The following PIP4K2A variants were observed in gnomAD, a reference collection of about 807,000 sequenced individuals.
PIP4K2A encodes the protein phosphatidylinositol-5-phosphate 4-kinase type 2 alpha.
Under a neutral mutation model 42.9 loss-of-function variants are expected in PIP4K2A, and 14 were observed. The ratio of observed to expected loss-of-function variants is 0.33; its 90% confidence interval spans 0.22 to 0.51. The LOEUF (loss-of-function observed/expected upper bound fraction) is 0.51, where lower values mean the gene tolerates loss of function less well. Among genes scored for constraint, PIP4K2A ranks in the 20% least tolerant of loss-of-function variants. The pLI is 0.97. For missense variants in PIP4K2A, 434 were observed against 519.8 expected (o/e 0.83, Z 1.61); for synonymous variants, 192 against 192.2 (o/e 1.00, Z 0.01).
At chr10:22,571,139 C>T (rs7919839) in intron 5 of PIP4K2A, among the ~76,000 whole-genome samples, 138,367 of 152,336 alleles carry the variant, frequency 0.91, 63,007 homozygotes, top group African/African-American at 0.97. Context: ...GTTTTCGTGA[C>T]GGTTTGAGTT....
At chr10:22,647,183 T>C (rs890449244) in intron 1 of PIP4K2A, among the ~76,000 whole-genome samples, 3 of 152,180 alleles carry the variant, frequency 2.0e-5, no homozygotes, top group South Asian at 2.1e-4. Context: ...CATTATTTCA[T>C]GGGCTTTAAG....
intron 7 of PIP4K2A, among the ~76,000 whole-genome samples, chr10:22,546,240 T>C (rs1355506097): frequency 6.6e-6 from 1 of 152,186 alleles, no homozygotes; most frequent in Non-Finnish European, 1.5e-5. Flanking sequence ...AGAAAAAATA[T>C]GGTGCCTCAC....
chr10:22,565,588 C>A (rs1473402953), intron 6 of PIP4K2A, among the ~76,000 whole-genome samples: 1 of 152,152 alleles, frequency 6.6e-6, no homozygotes, highest in African/African-American at 2.4e-5. Flanking sequence ...GTTAACTGCA[C>A]AAATTGTACA....
chr10:22,664,168 C>CATATATATACACAT lies in PIP4K2A; in HGVS notation c.144+50014_144+50015insATGTGTATATATAT, dbSNP rs1839292298. Reference sequence around the variant, plus strand: ...ATATATATACACATATATATATATACATATATATATATACATATATATACA... The same window carrying CATATATATACACAT: ...ATATATATACACATATATATATATACATATATATACACATATATATATATATACATATATATACA... On this transcript the variant is annotated intron_variant, in intron 1 of 9. Transcript: ENST00000376573. Among the ~76,000 whole-genome samples the CATATATATACACAT allele has an allele frequency of 9.9e-5, 3 of 30,210 alleles. No homozygotes were observed. In the East Asian group the frequency reaches 2.2e-3, roughly 23 times the overall value. The allele number at this position is 30,210 out of a possible 152,430, so 19.8% of individuals were successfully genotyped here. A position where few individuals can be genotyped will look rare whatever the true frequency, so the allele number is the denominator to read the frequency against.
intron 3 of PIP4K2A, among the ~76,000 whole-genome samples, chr10:22,606,278 T>C (rs1225354498): frequency 6.6e-6 from 1 of 152,020 alleles, no homozygotes; most frequent in East Asian, 1.9e-4. Context: ...ACCACTGTAC[T>C]CCAGCCTGGG....
chr10:22,583,941 G>GC (rs931141001), intron 4 of PIP4K2A, among the ~76,000 whole-genome samples: 14 of 152,354 alleles, frequency 9.2e-5, no homozygotes, highest in Admixed American at 2.6e-4. Context: ...GTTCCATAGT[G>GC]CCCCGCCAGG....
chr10:22,637,967 G>A (rs1469144121), intron 1 of PIP4K2A, among the ~76,000 whole-genome samples: 1 of 152,188 alleles, frequency 6.6e-6, no homozygotes, highest in African/African-American at 2.4e-5. Context: ...GGATGTATAA[G>A]TGAATACTAT....
At chr10:22,555,926 C>T (rs1327228788) in intron 6 of PIP4K2A, among the ~76,000 whole-genome samples, 2 of 151,170 alleles carry the variant, frequency 1.3e-5, no homozygotes, top group African/African-American at 2.4e-5. Flanking sequence ...ACAAGAAAAT[C>T]TCATCATGTT....
chr10:22,586,441 C>A (rs1837396451), intron 4 of PIP4K2A, among the ~76,000 whole-genome samples: 1 of 152,172 alleles, frequency 6.6e-6, no homozygotes, highest in African/African-American at 2.4e-5. Context: ...GACTGAATGC[C>A]ACATGAGAAT....
At chr10:22,653,682 G>A (rs1403520807) in intron 1 of PIP4K2A, among the ~76,000 whole-genome samples, 1 of 152,152 alleles carries the variant, frequency 6.6e-6, no homozygotes, top group Non-Finnish European at 1.5e-5. Context: ...GGGAGGCTGA[G>A]GTGGGTGGAT....
intron 1 of PIP4K2A, among the ~76,000 whole-genome samples, chr10:22,712,913 GGT>G (rs35439666): frequency 0.058 from 8,522 of 147,150 alleles, 737 homozygotes; most frequent in African/African-American, 0.19. Flanking sequence ...CTACATTGAG[GGT>G]GTGTGTGTGT....
At chr10:22,607,338 C>T (rs537712279) in intron 3 of PIP4K2A, among the ~76,000 whole-genome samples, 1 of 152,176 alleles carries the variant, frequency 6.6e-6, no homozygotes, top group African/African-American at 2.4e-5. Flanking sequence ...CACATTTTTA[C>T]GTGGTGGGAA....
chr10:22,590,712 T>C (rs1837491192), intron 4 of PIP4K2A, among the ~76,000 whole-genome samples: 1 of 151,940 alleles, frequency 6.6e-6, no homozygotes. Flanking sequence ...AAAACACAAC[T>C]TAAAAAAATT....
intron 1 of PIP4K2A, among the ~76,000 whole-genome samples, chr10:22,636,177 C>T (rs1446596029): frequency 1.3e-5 from 2 of 152,154 alleles, no homozygotes; most frequent in African/African-American, 2.4e-5. Context: ...GAACAGGAAA[C>T]GTTCTCTCCT....
chr10:22,633,841 C>A (rs1243209660), intron 1 of PIP4K2A, among the ~76,000 whole-genome samples: 2 of 152,106 alleles, frequency 1.3e-5, no homozygotes, highest in African/African-American at 4.8e-5. Context: ...GCCAAGCAAG[C>A]GAATTCACAG....
chr10:22,702,694 A>G (rs969122905), intron 1 of PIP4K2A, among the ~76,000 whole-genome samples: 1 of 152,114 alleles, frequency 6.6e-6, no homozygotes, highest in Non-Finnish European at 1.5e-5. Flanking sequence ...AATGCTCTAA[A>G]ATGCTCTATG....
At chr10:22,582,892 A>C in intron 4 of PIP4K2A, among the ~76,000 whole-genome samples, 1 of 3,436 alleles carries the variant, frequency 2.9e-4, no homozygotes, top group Admixed American at 6.7e-3. Flanking sequence ...GTCTTGAAGT[A>C]AAAAAAAAAA....
chr10:22,600,067 C>T (rs1039367099), intron 3 of PIP4K2A, among the ~76,000 whole-genome samples: 4 of 151,870 alleles, frequency 2.6e-5, no homozygotes, highest in South Asian at 2.1e-4. Context: ...TCATTCTTAC[C>T]GCCAATCTTT....
Position 22,664,116 on chromosome 10 carries a change from C to CGT in PIP4K2A, c.144+50066_144+50067insAC, listed in dbSNP as rs796255055. On this transcript the variant is annotated intron_variant, in intron 1 of 9. Transcript: ENST00000376573. ...ATATATATATATACATATATATATA[C>CGT]ATATATATATATACATATATATATA... Among the ~76,000 whole-genome samples the CGT allele has an allele frequency of 3.1e-3, 154 of 50,470 alleles. 5 individuals are homozygous for CGT. Among genetic ancestry groups the CGT allele is most frequent in the African/African-American group, 0.026 (144 of 5,548 alleles). 33.1% of individuals were successfully genotyped at this position (50,470 alleles called of 152,430 possible). A position where few individuals can be genotyped will look rare whatever the true frequency, so the allele number is the denominator to read the frequency against.
Sources: gnomAD v4.1 joint callset for allele counts (sites outside exome capture counted in the v4.1 genomes callset) on GRCh38, gnomAD v4.1.1 for gene constraint, MANE v1.5 for transcripts, NCBI Gene and HGNC (gene_info 2026-07-23, HGNC 2026-07-21) for gene names.